Variants in ASCC3 observed in about 807,000 individuals in gnomAD.
The protein encoded by ASCC3 is activating signal cointegrator 1 complex subunit 3.
In ASCC3, 158 loss-of-function variants were observed where a neutral mutation model predicts 256.3. The ratio of observed to expected loss-of-function variants is 0.62; its 90% CI spans 0.54 to 0.70. The LOEUF is 0.70. Among genes scored for constraint, ASCC3 ranks in the 30% least tolerant of loss-of-function variants. The pLI, the probability that ASCC3 is intolerant of heterozygous loss-of-function variation, is 0.00. For synonymous variants in ASCC3, 948 were observed against 883.4 expected (o/e 1.07, Z -1.30); for missense variants, 2,259 against 2,626.0 (o/e 0.86, Z 3.05).
chr6:100,670,053 A>C (rs1049526533), intron 14 of ASCC3, among the ~76,000 whole-genome samples: 1 of 151,988 alleles, frequency 6.6e-6, no homozygotes, highest in Non-Finnish European at 1.5e-5. Context: ...AAACAGAAAA[A>C]GTTTATGTAA....
At chr6:100,671,350 G>T (rs1343621180) in intron 14 of ASCC3, among the ~76,000 whole-genome samples, 1 of 151,956 alleles carries the variant, frequency 6.6e-6, no homozygotes, top group East Asian at 1.9e-4. Context: ...CCCAGGTTTT[G>T]CTACTGTCTG....
At chr6:100,640,027 A>C (rs1314722894) in intron 24 of ASCC3, among the ~76,000 whole-genome samples, 1 of 152,148 alleles carries the variant, frequency 6.6e-6, no homozygotes, top group African/African-American at 2.4e-5. Context: ...AGGCAGGAGA[A>C]TCGCTTGAAC....
rs371707003 is a variant in ASCC3 at position 100,599,852 on chromosome 6, G to A, written c.5303+1958C>T. ...AAACTAGACTCTTTAGGATGGTACA[G>A]ATCAGTAAAGCAACTGACAGAGAGT... is the stretch of plus-strand genomic sequence containing the variant. On this transcript the variant is annotated intron_variant, in intron 34 of 41. Transcript: ENST00000369162. Among the ~76,000 whole-genome samples the A allele has an allele frequency of 2.3e-3, 350 of 152,164 alleles. 2 individuals are homozygous for A. The highest frequency in any genetic ancestry group is 3.5e-3 in the Non-Finnish European group (238 of 67,980).
chr6:100,667,962 A>C (rs1157021519), intron 14 of ASCC3, among the ~76,000 whole-genome samples: 1 of 151,692 alleles, frequency 6.6e-6, no homozygotes, highest in African/African-American at 2.4e-5. Flanking sequence ...AAAAATTAAC[A>C]CTCTTACCTT....
chr6:100,540,491 T>A, intron 36 of ASCC3, 104 bp from the exon 37 acceptor site: 1 of 959,652 alleles, frequency 1.0e-6, no homozygotes, highest in Non-Finnish European at 1.6e-6. Context: ...AATCATACAA[T>A]AACCATATCC....
intron 30 of ASCC3, among the ~76,000 whole-genome samples, chr6:100,615,797 C>T (rs530735915): frequency 1.3e-5 from 2 of 152,218 alleles, no homozygotes; most frequent in African/African-American, 4.8e-5. Flanking sequence ...TTTCACAAGG[C>T]CCAACTGGTT....
intron 1 of ASCC3, among the ~76,000 whole-genome samples, chr6:100,868,746 T>C (rs1464027990): frequency 2.6e-5 from 4 of 152,014 alleles, no homozygotes; most frequent in Non-Finnish European, 1.5e-5. Flanking sequence ...TGTTAATGAA[T>C]AAATGGAAGA....
At chr6:100,723,902 AAT>A (rs1436147226) in intron 11 of ASCC3, among the ~76,000 whole-genome samples, 31 of 126,652 alleles carry the variant, frequency 2.4e-4, no homozygotes, top group South Asian at 7.4e-4. Context: ...ATATATTTAT[AAT>A]TATATATATG....
intron 34 of ASCC3, among the ~76,000 whole-genome samples, chr6:100,592,750 A>G (rs2114777873): frequency 6.6e-6 from 1 of 152,248 alleles, no homozygotes; most frequent in Middle Eastern, 3.4e-3. Context: ...TAATTTTAAT[A>G]ATCACTTTAC....
chr6:100,678,026 A>G (rs969082166), intron 14 of ASCC3, among the ~76,000 whole-genome samples: 3 of 152,124 alleles, frequency 2.0e-5, no homozygotes, highest in Non-Finnish European at 2.9e-5. Context: ...TGATTTACAC[A>G]TATGCCATAT....
intron 36 of ASCC3, among the ~76,000 whole-genome samples, chr6:100,541,632 A>G (rs1192647248): frequency 6.6e-6 from 1 of 152,224 alleles, no homozygotes; most frequent in African/African-American, 2.4e-5. Flanking sequence ...TGCATTCCAG[A>G]ACAGAGCTCA....
At chr6:100,658,653 G>GA (rs1260393067) in intron 16 of ASCC3, among the ~76,000 whole-genome samples, 1 of 151,342 alleles carries the variant, frequency 6.6e-6, no homozygotes, top group Non-Finnish European at 1.5e-5. Flanking sequence ...ACAATCCAGT[G>GA]ACAGTATCTC....
chr6:100,607,757 C>G (rs975657246), intron 30 of ASCC3, among the ~76,000 whole-genome samples: 1 of 151,490 alleles, frequency 6.6e-6, no homozygotes, highest in African/African-American at 2.4e-5. Flanking sequence ...GAGAGGCACA[C>G]AGCTATAAAC....
At chr6:100,828,166 A>G (rs1771423435) in intron 4 of ASCC3, among the ~76,000 whole-genome samples, 1 of 151,280 alleles carries the variant, frequency 6.6e-6, no homozygotes. Flanking sequence ...TAATTATTTC[A>G]TAATAGCAAC....
intron 20 of ASCC3, 65 bp from the exon 21 acceptor site, chr6:100,647,516 T>C: frequency 2.9e-6 from 4 of 1,402,342 alleles, no homozygotes; most frequent in Non-Finnish European, 4.0e-6. Context: ...TCAATAAATC[T>C]ATTATTCAAA....
intron 5 of ASCC3, among the ~76,000 whole-genome samples, chr6:100,802,239 A>C (rs924533831): frequency 6.6e-6 from 1 of 152,000 alleles, no homozygotes; most frequent in Non-Finnish European, 1.5e-5. Flanking sequence ...GCAAAAATGA[A>C]ATGAATATCC....
In ASCC3 at chr6:100,767,352, A is replaced by G; in HGVS notation, c.1396-7T>C. 2 of 1,609,056 alleles carry G rather than the reference A, an allele frequency of 1.2e-6. No individual in the cohort carries two copies. Among genetic ancestry groups the G allele is most frequent in the Non-Finnish European group, 1.7e-6 (2 of 1,176,134 alleles). Reference sequence around the variant, plus strand: ...TAAAAGCCAGCTGTCCGATCTAAAAAAAAAAGGCATCACCCATTATAAATA... The same window carrying G: ...TAAAAGCCAGCTGTCCGATCTAAAAGAAAAAGGCATCACCCATTATAAATA... On this transcript the variant is annotated splice_region_variant and splice_polypyrimidine_tract_variant and intron_variant, in intron 8 of 41. Transcript: ENST00000369162.
chr6:100,518,107 C>T lies in ASCC3; in HGVS notation c.5811G>A (p.Leu1937=). ...MLDVAANQGW[L]VTVLNITNLI... Reference sequence around the variant, plus strand: ...GGTTGGTGATATTCAGGACAGTCACCAGCCAGCCCTGGTTTGCAGCCACGT... The same window carrying T: ...GGTTGGTGATATTCAGGACAGTCACTAGCCAGCCCTGGTTTGCAGCCACGT... The change falls in exon 38 of 42, where the codon CTG becomes CTA. Residue 1937 remains leucine (L), a synonymous_variant. Transcript: ENST00000369162. 1 of 1,613,584 alleles carries T rather than the reference C, an allele frequency of 6.2e-7. No individual in the cohort carries two copies. Among genetic ancestry groups the T allele is most frequent in the African/African-American group, 1.3e-5 (1 of 75,002 alleles).
At position 100,730,044 on chromosome 6, in the gene ASCC3, C is replaced by G. The variant is rs746409012; in HGVS notation, c.1738-4341G>C. Reference sequence around the variant, plus strand: ...ACTGGGCTGTGTGCAGTGGCTCACACCTATAATCCCAGCACTTTGGGAGGC... The same window carrying G: ...ACTGGGCTGTGTGCAGTGGCTCACAGCTATAATCCCAGCACTTTGGGAGGC... On this transcript the variant is annotated intron_variant, in intron 10 of 41. Transcript: ENST00000369162. Among the ~76,000 whole-genome samples the G allele has an allele frequency of 7.2e-5, 11 of 152,050 alleles. No homozygotes were observed. In the South Asian group the frequency reaches 2.3e-3, roughly 32 times the overall value.
Sources: allele counts gnomAD v4.1 joint callset (sites outside exome capture counted in the v4.1 genomes callset), GRCh38; gene constraint gnomAD v4.1.1; transcripts MANE v1.5; gene names NCBI Gene and HGNC (gene_info 2026-07-23, HGNC 2026-07-21).